XKR9: variants seen among roughly 807,000 people sequenced by gnomAD.
XKR9 encodes the protein XK related 9, also known as XK-related protein 9.
In XKR9, 32 loss-of-function variants were observed where a neutral mutation model predicts 32.0. That is an observed-to-expected ratio of 1.00 (90% CI 0.76 to 1.34). XKR9 has a LOEUF of 1.34. Among genes scored for constraint, XKR9 ranks in the 40% most tolerant of loss-of-function variants. The pLI, the probability that XKR9 is intolerant of heterozygous loss-of-function variation, is 0.00. For missense variants in XKR9, 546 were observed against 429.7 expected (o/e 1.27, Z -2.39); for synonymous variants, 168 against 143.4 (o/e 1.17, Z -1.22).
chr8:70,826,036 ATTAGAC>A, the XKR9 span, among the ~76,000 whole-genome samples: 1 of 152,094 alleles, frequency 6.6e-6, no homozygotes, highest in African/African-American at 2.4e-5. Flanking sequence ...TCAAAGAAAA[ATTAGAC>A]TTAGAGACCT....
At chr8:70,814,511 A>G in the XKR9 span, among the ~76,000 whole-genome samples, 1 of 151,880 alleles carries the variant, frequency 6.6e-6, no homozygotes, top group Non-Finnish European at 1.5e-5. Context: ...AAACTACATC[A>G]TCTCAATAGA....
At chr8:70,850,405 A>G in the XKR9 span, among the ~76,000 whole-genome samples, 2 of 144,134 alleles carry the variant, frequency 1.4e-5, no homozygotes, top group African/African-American at 5.1e-5. Context: ...CAGAGCTTGC[A>G]GTGAGCCAAG....
At chr8:70,785,795 A>G (rs1318421260) in intron 2 of XKR9, among the ~76,000 whole-genome samples, 1 of 148,216 alleles carries the variant, frequency 6.7e-6, no homozygotes, top group Non-Finnish European at 1.5e-5. Context: ...ATGTATGTAT[A>G]TATACTTACA....
the XKR9 span, among the ~76,000 whole-genome samples, chr8:71,019,340 T>C: frequency 6.6e-6 from 1 of 152,214 alleles, no homozygotes; most frequent in Non-Finnish European, 1.5e-5. Flanking sequence ...AGTAAGGAAA[T>C]CTAGTTCTTA....
At chr8:70,845,760 C>G in the XKR9 span, among the ~76,000 whole-genome samples, 1 of 151,640 alleles carries the variant, frequency 6.6e-6, no homozygotes, top group African/African-American at 2.4e-5. Context: ...ACAAACAAAA[C>G]AAAGAAAAAA....
At chr8:70,977,332 A>C in the XKR9 span, among the ~76,000 whole-genome samples, 4 of 152,160 alleles carry the variant, frequency 2.6e-5, no homozygotes, top group Non-Finnish European at 5.9e-5. Flanking sequence ...TTGTGATGTT[A>C]GGGTGTTGAT....
chr8:70,942,404 C>G, the XKR9 span, among the ~76,000 whole-genome samples: 2 of 152,084 alleles, frequency 1.3e-5, no homozygotes, highest in Non-Finnish European at 2.9e-5. Flanking sequence ...TTTACGGTAG[C>G]CTTGACATTA....
the XKR9 span, among the ~76,000 whole-genome samples, chr8:71,049,781 G>A: frequency 6.6e-6 from 1 of 152,122 alleles, no homozygotes; most frequent in Non-Finnish European, 1.5e-5. Flanking sequence ...TTACATATAA[G>A]TTACATAAAG....
chr8:70,796,984 T>C, the XKR9 span, among the ~76,000 whole-genome samples: 2 of 152,098 alleles, frequency 1.3e-5, no homozygotes, highest in Non-Finnish European at 2.9e-5. Flanking sequence ...TGAAAGGTAA[T>C]TGGAGACAGG....
At chr8:71,018,209 C>A in the XKR9 span, among the ~76,000 whole-genome samples, 1 of 152,022 alleles carries the variant, frequency 6.6e-6, no homozygotes, top group Admixed American at 6.6e-5. Flanking sequence ...AAGTGAAAAG[C>A]AGGCTAGTGT....
chr8:71,044,355 C>T, the XKR9 span, among the ~76,000 whole-genome samples: 11 of 151,962 alleles, frequency 7.2e-5, no homozygotes, highest in Non-Finnish European at 1.0e-4. Flanking sequence ...TTGTGTCTGA[C>T]GGAGGAGAAA....
At chr8:70,685,465 C>T (rs1295694323) in intron 3 of XKR9, among the ~76,000 whole-genome samples, 1 of 141,050 alleles carries the variant, frequency 7.1e-6, no homozygotes, top group African/African-American at 2.7e-5. Flanking sequence ...CTGCACATTG[C>T]ACACATGTAC....
intron 4 of XKR9, among the ~76,000 whole-genome samples, chr8:70,720,076 T>C (rs1000064134): frequency 6.6e-6 from 1 of 152,210 alleles, no homozygotes. Flanking sequence ...GAATGGTAGT[T>C]CATTCATGAT....
the XKR9 span, among the ~76,000 whole-genome samples, chr8:70,796,177 T>G: frequency 6.6e-6 from 1 of 152,072 alleles, no homozygotes; most frequent in East Asian, 1.9e-4. Flanking sequence ...ATAAGCATAG[T>G]ACAAGAAGTA....
At chr8:71,062,922 C>T in the XKR9 span, among the ~76,000 whole-genome samples, 1 of 152,034 alleles carries the variant, frequency 6.6e-6, no homozygotes, top group African/African-American at 2.4e-5. Flanking sequence ...TGTCTCCGGC[C>T]CCTCTGTATT....
chr8:71,059,640 A>G, the XKR9 span, among the ~76,000 whole-genome samples: 19 of 152,216 alleles, frequency 1.2e-4, no homozygotes, highest in East Asian at 1.9e-4. Flanking sequence ...ACTTGCTCAC[A>G]TTAAAACTGA....
chr8:70,991,108 G>T, the XKR9 span, among the ~76,000 whole-genome samples: 114 of 152,254 alleles, frequency 7.5e-4, no homozygotes, highest in African/African-American at 2.5e-3. Context: ...ACAGTCAGCA[G>T]TTTGGGGAAA....
the XKR9 span, among the ~76,000 whole-genome samples, chr8:70,986,136 A>T: frequency 5.3e-5 from 8 of 152,360 alleles, no homozygotes; most frequent in African/African-American, 1.7e-4. Context: ...ATAGGGCGAC[A>T]ATATGAAGAA....
At chr8:70,792,544 G>A (rs559156507), downstream of XKR9, among the ~76,000 whole-genome samples, 19 of 152,182 alleles carry the variant, frequency 1.2e-4, no homozygotes, top group South Asian at 2.9e-3. Flanking sequence ...AATGAACTAT[G>A]GAGTGAAAAA....
Sources: gnomAD v4.1 joint callset for allele counts (sites outside exome capture counted in the v4.1 genomes callset) on GRCh38, gnomAD v4.1.1 for gene constraint, MANE v1.5 for transcripts, NCBI Gene and HGNC (gene_info 2026-07-23, HGNC 2026-07-21) for gene names.